Variants in SCAPER observed in about 807,000 individuals in gnomAD.
SCAPER encodes S phase cyclin A-associated protein in the endoplasmic reticulum.
A neutral mutation model predicts 182.2 loss-of-function variants in SCAPER; 98 were observed. The ratio of observed to expected loss-of-function variants is 0.54; its 90% CI spans 0.46 to 0.64. SCAPER has a LOEUF of 0.64. Among genes scored for constraint, SCAPER ranks in the 30% least tolerant of loss-of-function variants. SCAPER has a pLI of 0.00. For synonymous variants in SCAPER, 605 were observed against 564.6 expected (o/e 1.07, Z -1.01); for missense variants, 1,432 against 1,690.0 (o/e 0.85, Z 2.68).
rs181177814 is a variant in SCAPER at position 76,876,043 on chromosome 15, C to G, written c.6+7769G>C. On this transcript the variant is annotated intron_variant, in intron 2 of 31. Coordinates refer to ENST00000563290, the MANE Select transcript of SCAPER (RefSeq NM_020843.4). ...CAGTCGGCCGGCACTGCTGGGGGAC[C>G]CAGCGCACCCTCCCAGCTGCTGGCC... Among the ~76,000 whole-genome samples the G allele has an allele frequency of 3.2e-3, 481 of 152,284 alleles. 3 individuals are homozygous for G. The highest frequency in any genetic ancestry group is 0.016 in the South Asian group (75 of 4,828).
intron 23 of SCAPER, among the ~76,000 whole-genome samples, chr15:76,523,599 A>G (rs2042979168): frequency 6.6e-6 from 1 of 152,134 alleles, no homozygotes; most frequent in African/African-American, 2.4e-5. Context: ...CATCCACCCA[A>G]TGCCAAATAC....
At chr15:76,459,280 TC>T in intron 25 of SCAPER, among the ~76,000 whole-genome samples, 1 of 152,216 alleles carries the variant, frequency 6.6e-6, no homozygotes, top group African/African-American at 2.4e-5. Flanking sequence ...CGTAACGACT[TC>T]CAGTTCCATC....
intron 20 of SCAPER, among the ~76,000 whole-genome samples, chr15:76,667,016 T>C (rs901833094): frequency 6.6e-6 from 1 of 152,222 alleles, no homozygotes; most frequent in African/African-American, 2.4e-5. Flanking sequence ...CTCAAAAGGA[T>C]TCTTGTTTGT....
intron 23 of SCAPER, among the ~76,000 whole-genome samples, chr15:76,566,519 T>A (rs539674383): frequency 6.6e-6 from 1 of 152,282 alleles, no homozygotes; most frequent in Admixed American, 6.5e-5. Context: ...ACATGTCTCA[T>A]GTTACTGATA....
At chr15:76,686,943 C>T (rs1014116788) in intron 20 of SCAPER, among the ~76,000 whole-genome samples, 1 of 151,886 alleles carries the variant, frequency 6.6e-6, no homozygotes, top group Non-Finnish European at 1.5e-5. Flanking sequence ...CAACATTAAC[C>T]AAAACTAGGT....
At chr15:76,632,063 CCT>C (rs1465146307) in intron 21 of SCAPER, among the ~76,000 whole-genome samples, 1 of 152,096 alleles carries the variant, frequency 6.6e-6, no homozygotes, top group Non-Finnish European at 1.5e-5. Flanking sequence ...CCTTTCTTCC[CCT>C]TGATCTATTT....
At chr15:76,409,853 G>GT (rs1329653831) in intron 26 of SCAPER, among the ~76,000 whole-genome samples, 2 of 152,068 alleles carry the variant, frequency 1.3e-5, no homozygotes, top group Non-Finnish European at 2.9e-5. Context: ...CCAGGCTGGA[G>GT]TATAGTGATG....
At chr15:76,359,205 C>A (rs926074981) in intron 29 of SCAPER, among the ~76,000 whole-genome samples, 5 of 152,160 alleles carry the variant, frequency 3.3e-5, no homozygotes, top group Admixed American at 6.5e-5. Flanking sequence ...TCTTGCCCCC[C>A]TCCCCATCAC....
In SCAPER at chr15:76,905,297, AC is replaced by A. The variant is rs1321368643; in HGVS notation, c.-60+1del. On this transcript the variant is annotated splice_donor_variant, in intron 1 of 31. Transcript: ENST00000563290. LOFTEE classifies it low-confidence loss of function (5UTR_SPLICE). ...CTACGCACGCCCCTCGCGGACACTC[AC>A]CCCCGACCGCCCTGCTTAGTTCGGG... 7 of 268,090 alleles carry A rather than the reference AC, an allele frequency of 2.6e-5. No homozygotes were observed. Among genetic ancestry groups the A allele is most frequent in the South Asian group, 8.7e-5 (3 of 34,672 alleles). 16.6% of individuals were successfully genotyped at this position (268,090 alleles called of 1,614,324 possible). A position where few individuals can be genotyped will look rare whatever the true frequency, so the allele number is the denominator to read the frequency against.
intron 24 of SCAPER, among the ~76,000 whole-genome samples, chr15:76,484,658 T>C (rs1249726466): frequency 1.3e-5 from 2 of 151,676 alleles, no homozygotes; most frequent in African/African-American, 2.4e-5. Flanking sequence ...CATCACCTCA[T>C]AGAATATGCT....
intron 4 of SCAPER, among the ~76,000 whole-genome samples, chr15:76,844,261 A>T (rs2069795731): frequency 7.6e-6 from 1 of 131,684 alleles, no homozygotes; most frequent in East Asian, 2.1e-4. Flanking sequence ...AGAGACAAAG[A>T]CAGAAAGAGG....
At position 76,795,323 on chromosome 15, in the gene SCAPER, C is replaced by T. The variant is rs1188740299; in HGVS notation, c.729G>A (p.Gln243=). ...STASSEITPA[Q]SCPPMTVQKA... ...TCTGCACTGTCATTGGTGGGCAAGACTGGGCGGGTGTTATTTCTGAAGAAG... is the reference window on the plus strand; with the variant it reads ...TCTGCACTGTCATTGGTGGGCAAGATTGGGCGGGTGTTATTTCTGAAGAAG... Residue 243 remains glutamine, a synonymous_variant, in exon 8 of 32, where the codon CAG becomes CAA. Coordinates refer to ENST00000563290, the MANE Select transcript of SCAPER (RefSeq NM_020843.4). 1.1e-5 allele frequency: 18 copies of T among 1,613,162 alleles called. No homozygotes were observed. The highest frequency in any genetic ancestry group is 1.5e-5 in the Non-Finnish European group (18 of 1,179,470).
At chr15:76,463,233 GA>G (rs2049331490) in intron 25 of SCAPER, among the ~76,000 whole-genome samples, 1 of 152,170 alleles carries the variant, frequency 6.6e-6, no homozygotes, top group Admixed American at 6.6e-5. Context: ...CTGTAGTGTT[GA>G]GGGATTTTTG....
intron 17 of SCAPER, among the ~76,000 whole-genome samples, chr15:76,722,105 A>G (rs1358559826): frequency 1.3e-5 from 2 of 152,218 alleles, no homozygotes; most frequent in African/African-American, 4.8e-5. Context: ...TGTCCCATCA[A>G]TACCTAATTT....
intron 22 of SCAPER, among the ~76,000 whole-genome samples, chr15:76,615,619 G>A (rs772768975): frequency 3.3e-5 from 5 of 151,376 alleles, no homozygotes; most frequent in Non-Finnish European, 4.4e-5. Context: ...AGGAGATTGA[G>A]ACCATCCTGG....
At chr15:76,893,755 C>G (rs1481033939) in intron 1 of SCAPER, among the ~76,000 whole-genome samples, 6 of 152,006 alleles carry the variant, frequency 3.9e-5, no homozygotes, top group Admixed American at 3.9e-4. Context: ...CTAGAAATAA[C>G]AGGAAGAAAA....
At chr15:76,560,032 A>T (rs1279453805) in intron 23 of SCAPER, among the ~76,000 whole-genome samples, 1 of 152,066 alleles carries the variant, frequency 6.6e-6, no homozygotes, top group African/African-American at 2.4e-5. Flanking sequence ...CACACATCAA[A>T]TATTTATGGT....
intron 21 of SCAPER, among the ~76,000 whole-genome samples, chr15:76,637,802 GTA>G (rs1306637043): frequency 2.0e-5 from 2 of 99,288 alleles, no homozygotes; most frequent in Non-Finnish European, 4.2e-5. Context: ...GTGTGTGTAT[GTA>G]TATATATATT....
chr15:76,447,203 G>A (rs2048059636), intron 25 of SCAPER, among the ~76,000 whole-genome samples: 1 of 152,178 alleles, frequency 6.6e-6, no homozygotes, highest in Non-Finnish European at 1.5e-5. Flanking sequence ...ACACATGGAG[G>A]TTCTTGGAGG....
Sources: allele counts gnomAD v4.1 joint callset (sites outside exome capture counted in the v4.1 genomes callset), GRCh38; gene constraint gnomAD v4.1.1; transcripts MANE v1.5; gene names NCBI Gene and HGNC (gene_info 2026-07-23, HGNC 2026-07-21).